Variants in C2CD3 observed in about 807,000 individuals in gnomAD.
C2CD3 encodes C2 domain-containing protein 3.
A neutral mutation model predicts 234.0 loss-of-function variants in C2CD3; 148 were observed. The observed-to-expected ratio is 0.63, with a 90% CI of 0.55 to 0.72. C2CD3 has a LOEUF of 0.72. Among genes scored for constraint, C2CD3 ranks in the 30% least tolerant of loss-of-function variants. The pLI, the probability that C2CD3 is intolerant of heterozygous loss-of-function variation, is 0.00. For synonymous variants in C2CD3, 1,000 were observed against 1,035.4 expected (o/e 0.97, Z 0.66); for missense variants, 2,577 against 2,811.5 (o/e 0.92, Z 1.89).
chr11:74,151,908 T>C (rs182022026), intron 3 of C2CD3, among the ~76,000 whole-genome samples: 67 of 152,198 alleles, frequency 4.4e-4, no homozygotes, highest in African/African-American at 1.4e-3. Context: ...CTTTTAGAGA[T>C]GAAAATATTT....
rs910896357 is a variant in C2CD3 at position 74,044,932 on chromosome 11, T to A, written c.5496-2714A>T. Reference sequence around the variant, plus strand: ...TGGCTGTGAGAGTTTTTAATTTTGATGAATCTAATTTTTTTCTTTTGTTAT... The same window carrying A: ...TGGCTGTGAGAGTTTTTAATTTTGAAGAATCTAATTTTTTTCTTTTGTTAT... On this transcript the variant is annotated intron_variant, in intron 28 of 32. Coordinates refer to ENST00000334126, the MANE Select transcript of C2CD3 (RefSeq NM_001286577.2). Among the ~76,000 whole-genome samples the A allele has an allele frequency of 1.3e-5, 2 of 152,036 alleles. 1 individual carries two copies. Among genetic ancestry groups the A allele is most frequent in the South Asian group, 4.1e-4 (2 of 4,828 alleles).
In C2CD3 at chr11:74,152,949, C is replaced by T. The variant is rs118036526; in HGVS notation, c.483+8450G>A. Reference sequence around the variant, plus strand: ...CATCACATTTAATAGTGAAAGATGCCAGACATGATGGCTCTCCTCTAATTC... The same window carrying T: ...CATCACATTTAATAGTGAAAGATGCTAGACATGATGGCTCTCCTCTAATTC... On this transcript the variant is annotated intron_variant, in intron 3 of 32. Transcript: ENST00000334126. Among the ~76,000 whole-genome samples the T allele has an allele frequency of 4.6e-4, 70 of 152,212 alleles. No individual in the cohort carries two copies. In the East Asian group the frequency reaches 0.013, roughly 28 times the overall value.
Position 74,049,349 on chromosome 11 carries a change from G to C in C2CD3, c.5349C>G (p.Thr1783=). ...TCTCCATACATACCAGTGATTTTGA[G>C]GTCTCCACTCCACGCCTTGCTTGCC... ...EERQARRGVE[T]SKSLIPIYSP... is the part of the protein sequence containing the mutation. The change falls in exon 27 of 33, where the codon ACC becomes ACG. Residue 1783 remains threonine (T), a synonymous_variant. Coordinates refer to ENST00000334126, the MANE Select transcript of C2CD3 (RefSeq NM_001286577.2). 2.5e-6 allele frequency: 4 copies of C among 1,613,858 alleles called. No homozygotes were observed. The highest frequency in any genetic ancestry group is 3.4e-6 in the Non-Finnish European group (4 of 1,179,764).
At chr11:74,018,344 C>T (rs1726767) in intron 32 of C2CD3, among the ~76,000 whole-genome samples, 11,861 of 152,110 alleles carry the variant, frequency 0.078, 1,445 homozygotes, top group African/African-American at 0.26. Context: ...TACAGGATCT[C>T]CTGTACTGAG....
chr11:74,105,067 G>C (rs1956459502), intron 13 of C2CD3, among the ~76,000 whole-genome samples: 1 of 152,132 alleles, frequency 6.6e-6, no homozygotes, highest in Non-Finnish European at 1.5e-5. Context: ...AAGAAGAAAA[G>C]GCAGTATGAT....
intron 3 of C2CD3, among the ~76,000 whole-genome samples, chr11:74,154,872 T>C (rs1330439143): frequency 2.0e-5 from 3 of 152,148 alleles, no homozygotes; most frequent in African/African-American, 7.2e-5. Flanking sequence ...GAAATACAAA[T>C]GAAAATCTCA....
chr11:74,129,656 C>T lies in C2CD3; in HGVS notation c.1217+3188G>A, dbSNP rs759389621. 1,465 of 171,018 alleles carry T rather than the reference C, an allele frequency of 8.6e-3. 9 individuals carry two copies. Among genetic ancestry groups the T allele is most frequent in the Non-Finnish European group, 0.014 (1,151 of 82,618 alleles). The allele number at this position is 171,018 out of a possible 1,614,324, so 10.6% of individuals were successfully genotyped here. On this transcript the variant is annotated intron_variant, in intron 7 of 32. Transcript: ENST00000334126. ...TGGGCGGCCAGGCAGAGACGCTCCT[C>T]ACTTCCCAGACGGGGTGGCGGCCGG... is the stretch of plus-strand genomic sequence containing the variant.
intron 3 of C2CD3, among the ~76,000 whole-genome samples, chr11:74,150,506 AAAAAAAAAACAAAAAAAAAAC>A (rs759774144): frequency 0.24 from 24,147 of 98,572 alleles, 3,296 homozygotes; most frequent in Admixed American, 0.34. Context: ...AAAAAAAAAA[AAAAAAAAAACAAAAAAAAAAC>A]AAAACAAATT....
At chr11:74,117,184 G>A (rs1288827115) in intron 9 of C2CD3, among the ~76,000 whole-genome samples, 3 of 42,500 alleles carry the variant, frequency 7.1e-5, no homozygotes, top group Non-Finnish European at 7.8e-5. Context: ...ATATATATAT[G>A]AATATATATA....
intron 30 of C2CD3, among the ~76,000 whole-genome samples, chr11:74,036,709 C>G (rs1418718093): frequency 6.6e-6 from 1 of 152,156 alleles, no homozygotes; most frequent in Non-Finnish European, 1.5e-5. Flanking sequence ...GATCCTGATT[C>G]AGAAGGATGG....
chr11:74,052,274 A>ACTAT (rs1953729997), intron 26 of C2CD3, among the ~76,000 whole-genome samples: 1 of 152,242 alleles, frequency 6.6e-6, no homozygotes, highest in African/African-American at 2.4e-5. Context: ...GACACATAGT[A>ACTAT]GACATAATAA....
chr11:74,122,758 T>C (rs1029522297), intron 8 of C2CD3, among the ~76,000 whole-genome samples: 3 of 152,214 alleles, frequency 2.0e-5, no homozygotes, highest in African/African-American at 2.4e-5. Flanking sequence ...AAATGTGAAT[T>C]TGAATTCTGG....
intron 26 of C2CD3, 93 bp downstream of exon 26, chr11:74,054,507 GAAAAAAA>G (rs869085401): frequency 1.1e-3 from 298 of 275,512 alleles, no homozygotes; most frequent in African/African-American, 2.1e-3. Context: ...ACTTGGTTTG[GAAAAAAA>G]AAAAAAAAAA....
chr11:74,095,437 G>C (rs192505680), intron 16 of C2CD3, 29 bp from the exon 17 acceptor site: 664 of 1,556,904 alleles, frequency 4.3e-4, no homozygotes, highest in Non-Finnish European at 4.5e-4. Flanking sequence ...ACACTGGTGA[G>C]CTTTAAAGAG....
At chr11:74,039,065 G>A (rs151190134) in intron 29 of C2CD3, among the ~76,000 whole-genome samples, 175 of 152,312 alleles carry the variant, frequency 1.1e-3, no homozygotes, top group Middle Eastern at 6.8e-3. Flanking sequence ...CTCAAGTCAC[G>A]GTGGTGTGTA....
Position 74,124,569 on chromosome 11 carries a change from G to A in C2CD3, c.1218-1434C>T, listed in dbSNP as rs150807175. Among the ~76,000 whole-genome samples the A allele has an allele frequency of 2.3e-4, 35 of 151,948 alleles. No individual in the cohort carries two copies. In the East Asian group the frequency reaches 6.4e-3, roughly 28 times the overall value. ...TAAATGTCTCATGGGGTTGGGGTGG[G>A]GAAAAATCACCCCCTCCTTGAAAAC... On this transcript the variant is annotated intron_variant, in intron 7 of 32. Transcript: ENST00000334126.
chr11:74,092,032 A>ATG (rs1272596588), intron 19 of C2CD3, among the ~76,000 whole-genome samples: 3,472 of 150,884 alleles, frequency 0.023, 126 homozygotes, highest in African/African-American at 0.08. Context: ...ATATATATAT[A>ATG]TGTGTGTGTG....
intron 3 of C2CD3, among the ~76,000 whole-genome samples, chr11:74,140,616 T>C (rs1437833808): frequency 6.6e-6 from 1 of 152,206 alleles, no homozygotes; most frequent in Non-Finnish European, 1.5e-5. Flanking sequence ...CCTGATTAGA[T>C]TATGCATTCC....
At chr11:74,165,004 G>A (rs2135574396) in intron 2 of C2CD3, 1 of 152,328 alleles carries the variant, frequency 6.6e-6, no homozygotes. Flanking sequence ...CCAGGAGGTT[G>A]AGGCTACAGT....
Sources: allele counts gnomAD v4.1 joint callset (sites outside exome capture counted in the v4.1 genomes callset), GRCh38; gene constraint gnomAD v4.1.1; transcripts MANE v1.5; gene names NCBI Gene and HGNC (gene_info 2026-07-23, HGNC 2026-07-21).